SIX1: variants seen among roughly 807,000 people sequenced by gnomAD.
The protein encoded by SIX1 is homeobox protein SIX1.
In SIX1, 11 loss-of-function variants were observed where a neutral mutation model predicts 26.5. The ratio of observed to expected loss-of-function variants is 0.41; its 90% CI spans 0.26 to 0.69. The LOEUF is 0.69. SIX1 is among the 30% of genes least tolerant of loss of function. The pLI is 0.28. For synonymous variants in SIX1, 177 were observed against 166.2 expected (o/e 1.06, Z -0.50); for missense variants, 333 against 365.9 (o/e 0.91, Z 0.73).
Position 60,649,209 on chromosome 14 carries a change from GC to G in SIX1, c.-21del, listed in dbSNP as rs1240779929. On this transcript the variant is annotated 5_prime_UTR_variant, in exon 1 of 2. Transcript: ENST00000645694. This position sits in a 1 kb window ranked among gnomAD's most constrained non-coding sequence, Gnocchi z 5.1. ...CGACATGGCTGGGGCCTGCCGGGGC[GC>G]ACGGCCCAGGCGCACGCGGCAGGGA... The G allele has an allele frequency of 6.3e-7, 1 of 1,599,612 alleles. No homozygotes were observed. Among genetic ancestry groups the G allele is most frequent in the East Asian group, 2.2e-5 (1 of 44,790 alleles).
Position 60,648,616 on chromosome 14 carries a change from A to G in SIX1, c.560+14T>C. 6.2e-7 allele frequency: 1 copy of G among 1,604,702 alleles called. No homozygotes were observed. Among genetic ancestry groups the G allele is most frequent in the Non-Finnish European group, 8.5e-7 (1 of 1,175,370 alleles). On this transcript the variant is annotated intron_variant, in intron 1 of 1. Coordinates refer to ENST00000645694, the MANE Select transcript of SIX1 (RefSeq NM_005982.4). The surrounding 1 kb of genome is among the most constrained non-coding windows in gnomAD (Gnocchi z 7.9). ...TCCTAGGGTCGCCCGAGTCGCGGGA[A>G]GCACGCCGCGTACCTTTCCTTGGCC...
Position 60,649,185 on chromosome 14 carries a change from G to T in SIX1, c.5C>A (p.Ser2Ter), listed in dbSNP as rs1895013306. The T allele has an allele frequency of 1.2e-6, 2 of 1,607,488 alleles. No individual in the cohort carries two copies. The highest frequency in any genetic ancestry group is 8.5e-7 in the Non-Finnish European group (1 of 1,179,812). The change falls in exon 1 of 2, where the codon TCG becomes TAG. Residue 2 changes from serine to a stop codon, truncating the protein, a stop_gained. Transcript: ENST00000645694. LOFTEE classifies it high-confidence loss of function. The surrounding 1 kb of genome is among the most constrained non-coding windows in gnomAD (Gnocchi z 5.1). ...CGTAAAGCCAAACGACGGCAGCATC[G>T]ACATGGCTGGGGCCTGCCGGGGCGC... M[S>*]MLPSFGFTQE... is the part of the protein sequence containing the mutation.
chr14:60,647,951 G>A lies in SIX1; in HGVS notation c.560+679C>T, dbSNP rs1256672332. ...GGCATGCGGCGCGGTCAGCCAGACCGACGGGCTGCAGTGCCGGGCCACGCG... is the reference window on the plus strand; with the variant it reads ...GGCATGCGGCGCGGTCAGCCAGACCAACGGGCTGCAGTGCCGGGCCACGCG... On this transcript the variant is annotated intron_variant, in intron 1 of 1. Coordinates refer to ENST00000645694, the MANE Select transcript of SIX1 (RefSeq NM_005982.4). The surrounding 1 kb of genome is among the most constrained non-coding windows in gnomAD (Gnocchi z 5.1). 2.0e-5 allele frequency among the ~76,000 whole-genome samples: 3 copies of A among 152,250 alleles called. No homozygotes were observed. The highest frequency in any genetic ancestry group is 4.4e-5 in the Non-Finnish European group (3 of 68,038).
Position 60,648,645 on chromosome 14 carries a change from G to A in SIX1, c.545C>T (p.Ala182Val). 6.2e-7 allele frequency: 1 copy of A among 1,613,502 alleles called. No homozygotes were observed. The change falls in exon 1 of 2, where the codon GCG becomes GTG. Residue 182 changes from alanine (A) to valine (V), a missense_variant. By Grantham distance (64) the Ala-to-Val change is moderately conservative. This residue lies in a region of SIX1 where 199 missense variants were observed against 215.2 expected (regional missense o/e 0.92). Transcript: ENST00000645694. This position sits in a 1 kb window ranked among gnomAD's most constrained non-coding sequence, Gnocchi z 7.9. The part of the protein sequence containing the change: ...FKNRRQRDRA[A>V]EAKERENTEN... ...CGCCGCGTACCTTTCCTTGGCCTCC[G>A]CGGCCCGGTCTCTTTGCCTCCGGTT...
Position 60,648,623 on chromosome 14 carries a change from C to G in SIX1, c.560+7G>C, listed in dbSNP as rs767884287. 28 of 1,609,052 alleles carry G rather than the reference C, an allele frequency of 1.7e-5. No individual in the cohort carries two copies. In the Middle Eastern group the frequency reaches 6.6e-4, roughly 38 times the overall value. On this transcript the variant is annotated splice_region_variant and intron_variant, in intron 1 of 1. Coordinates refer to ENST00000645694, the MANE Select transcript of SIX1 (RefSeq NM_005982.4). This position sits in a 1 kb window ranked among gnomAD's most constrained non-coding sequence, Gnocchi z 7.9. ...GTCGCCCGAGTCGCGGGAAGCACGC[C>G]GCGTACCTTTCCTTGGCCTCCGCGG... is the stretch of plus-strand genomic sequence containing the variant.
Position 60,649,275 on chromosome 14 carries a change from G to A in SIX1, c.-86C>T. 1 of 1,261,850 alleles carries A rather than the reference G, an allele frequency of 7.9e-7. No homozygotes were observed. Among genetic ancestry groups the A allele is most frequent in the Non-Finnish European group, 1.1e-6 (1 of 903,820 alleles). The allele number at this position is 1,261,850 out of a possible 1,614,324, so 78.2% of individuals were successfully genotyped here. ...CAGGGGGCGGCGGCCGCAGGGAGGG[G>A]GGCGCGGCTGTTCCTAACCTCCTCC... On this transcript the variant is annotated 5_prime_UTR_variant, in exon 1 of 2. Transcript: ENST00000645694. The surrounding 1 kb of genome is among the most constrained non-coding windows in gnomAD (Gnocchi z 5.1).
Position 60,649,206 on chromosome 14 carries a change from G to A in SIX1, c.-17C>T, listed in dbSNP as rs764866193. On this transcript the variant is annotated 5_prime_UTR_variant, in exon 1 of 2. Transcript: ENST00000645694. The surrounding 1 kb of genome is among the most constrained non-coding windows in gnomAD (Gnocchi z 5.1). ...CATCGACATGGCTGGGGCCTGCCGG[G>A]GCGCACGGCCCAGGCGCACGCGGCA... 8 of 1,602,106 alleles carry A rather than the reference G, an allele frequency of 5.0e-6. No homozygotes were observed. In the African/African-American group the frequency reaches 5.3e-5, roughly 11 times the overall value.
At position 60,645,986 on chromosome 14, in the gene SIX1, A is replaced by C. The variant is rs147081368; in HGVS notation, c.*297T>G. The C allele has an allele frequency of 5.2e-3, 1,051 of 201,694 alleles. 14 individuals are homozygous for C. The highest frequency in any genetic ancestry group is 0.022 in the African/African-American group (952 of 42,928). 12.5% of individuals were successfully genotyped at this position (201,694 alleles called of 1,614,324 possible). On this transcript the variant is annotated 3_prime_UTR_variant, in exon 2 of 2. Transcript: ENST00000645694. The surrounding 1 kb of genome is among the most constrained non-coding windows in gnomAD (Gnocchi z 4.6). ...GGCGTATCAGTTGCCCAGAACTCAG[A>C]CTGGGTGCCTGGGTGCTTTTGTTTG...
At position 60,645,454 on chromosome 14, in the gene SIX1, C is replaced by T. The variant is rs1325127797; in HGVS notation, c.*829G>A. The stretch of plus-strand genomic sequence containing the variant: ...GCTACAGATATGAAAGCTTTGAGGG[C>T]ATGAGTAATGGCATTCAGGAAAGTG... On this transcript the variant is annotated 3_prime_UTR_variant, in exon 2 of 2. Transcript: ENST00000645694. The surrounding 1 kb of genome is among the most constrained non-coding windows in gnomAD (Gnocchi z 4.6). 6.6e-6 allele frequency: 1 copy of T among 151,590 alleles called. No homozygotes were observed. The highest frequency in any genetic ancestry group is 2.4e-5 in the African/African-American group (1 of 41,254). The allele number at this position is 151,590 out of a possible 1,614,324, so 9.4% of individuals were successfully genotyped here.
In SIX1 at chr14:60,646,066, A is replaced by G. The variant is rs908849819; in HGVS notation, c.*217T>C. ...TCTCTGCATTGGGAAGGAAAATGCAAAAGTGGAAAGAGTTGGAGAGAAGAG... is the reference window on the plus strand; with the variant it reads ...TCTCTGCATTGGGAAGGAAAATGCAGAAGTGGAAAGAGTTGGAGAGAAGAG... On this transcript the variant is annotated 3_prime_UTR_variant, in exon 2 of 2. Coordinates refer to ENST00000645694, the MANE Select transcript of SIX1 (RefSeq NM_005982.4). 1 of 481,406 alleles carries G rather than the reference A, an allele frequency of 2.1e-6. No individual in the cohort carries two copies. The highest frequency in any genetic ancestry group is 4.6e-5 in the South Asian group (1 of 21,866). The allele number at this position is 481,406 out of a possible 1,614,324, so 29.8% of individuals were successfully genotyped here. A position where few individuals can be genotyped will look rare whatever the true frequency, so the allele number is the denominator to read the frequency against.
chr14:60,646,558 T>A lies in SIX1; in HGVS notation c.580A>T (p.Asn194Tyr). The change falls in exon 2 of 2, where the codon AAC becomes TAC. Residue 194 changes from asparagine to tyrosine, a missense_variant. By Grantham distance (143) the Asn-to-Tyr change is moderately radical. Transcript: ENST00000645694. Reference sequence around the variant, plus strand: ...TGGTTCTGCTTGTTGGAGGAGGAGTTATTGTTTTCGGTGTTCTCCCTAAGA... The same window carrying A: ...TGGTTCTGCTTGTTGGAGGAGGAGTAATTGTTTTCGGTGTTCTCCCTAAGA... Reference protein sequence around the residue: ...AKERENTENNNSSSNKQNQLS... With the variant: ...AKERENTENNYSSSNKQNQLS... The A allele has an allele frequency of 1.9e-6, 3 of 1,608,000 alleles. No individual in the cohort carries two copies. Among genetic ancestry groups the A allele is most frequent in the Non-Finnish European group, 2.5e-6 (3 of 1,179,430 alleles).
chr14:60,645,479 G>GT lies in SIX1; in HGVS notation c.*803dup, dbSNP rs1368241949. ...CATGAGTAATGGCATTCAGGAAAGT[G>GT]TTTTTTCACATTGGTACATTTTTAG... On this transcript the variant is annotated 3_prime_UTR_variant, in exon 2 of 2. Coordinates refer to ENST00000645694, the MANE Select transcript of SIX1 (RefSeq NM_005982.4). This position sits in a 1 kb window ranked among gnomAD's most constrained non-coding sequence, Gnocchi z 4.6. The GT allele has an allele frequency of 9.3e-5, 14 of 150,276 alleles. No individual in the cohort carries two copies. Among genetic ancestry groups the GT allele is most frequent in the South Asian group, 2.1e-4 (1 of 4,768 alleles). 9.3% of individuals were successfully genotyped at this position (150,276 alleles called of 1,614,324 possible).
chr14:60,645,456 T>C lies in SIX1; in HGVS notation c.*827A>G, dbSNP rs554892433. The C allele has an allele frequency of 2.0e-5, 3 of 151,864 alleles. No individual in the cohort carries two copies. The highest frequency in any genetic ancestry group is 4.4e-5 in the Non-Finnish European group (3 of 68,000). 9.4% of individuals were successfully genotyped at this position (151,864 alleles called of 1,614,324 possible). A position where few individuals can be genotyped will look rare whatever the true frequency, so the allele number is the denominator to read the frequency against. On this transcript the variant is annotated 3_prime_UTR_variant, in exon 2 of 2. Coordinates refer to ENST00000645694, the MANE Select transcript of SIX1 (RefSeq NM_005982.4). This position sits in a 1 kb window ranked among gnomAD's most constrained non-coding sequence, Gnocchi z 4.6. ...TACAGATATGAAAGCTTTGAGGGCA[T>C]GAGTAATGGCATTCAGGAAAGTGTT...
rs1168903423 is a variant in SIX1 at position 60,646,541 on chromosome 14, C to T, written c.597G>A (p.Lys199=). Residue 199 remains lysine (K), a synonymous_variant, in exon 2 of 2, where the codon AAG becomes AAA. Coordinates refer to ENST00000645694, the MANE Select transcript of SIX1 (RefSeq NM_005982.4). ...NTENNNSSSN[K]QNQLSPLEGG... The stretch of plus-strand genomic sequence containing the variant: ...CTTCCAGAGGAGAGAGTTGGTTCTG[C>T]TTGTTGGAGGAGGAGTTATTGTTTT... 11 of 1,599,944 alleles carry T rather than the reference C, an allele frequency of 6.9e-6. No homozygotes were observed. The highest frequency in any genetic ancestry group is 9.4e-6 in the Non-Finnish European group (11 of 1,175,696).
At position 60,649,378 on chromosome 14, in the gene SIX1, G is replaced by A; in HGVS notation, c.-189C>T. 1.7e-6 allele frequency: 1 copy of A among 599,378 alleles called. No homozygotes were observed. Among genetic ancestry groups the A allele is most frequent in the Non-Finnish European group, 3.0e-6 (1 of 338,614 alleles). 37.1% of individuals were successfully genotyped at this position (599,378 alleles called of 1,614,324 possible). On this transcript the variant is annotated 5_prime_UTR_variant, in exon 1 of 2. Transcript: ENST00000645694. The surrounding 1 kb of genome is among the most constrained non-coding windows in gnomAD (Gnocchi z 5.1). ...AGGAAGAGAAGGCGGAGGAGTAGGG[G>A]AGGTTCTGGACACGGAACGGCCGGC...
At chr14:60,646,816 G>C (rs1391593153) in intron 1 of SIX1, among the ~76,000 whole-genome samples, 2 of 152,070 alleles carry the variant, frequency 1.3e-5, no homozygotes, top group East Asian at 3.9e-4. Context: ...CCTCCTGTTA[G>C]GAGCCAGGTC....
rs558096446 is a variant in SIX1 at position 60,646,502 on chromosome 14, G to A, written c.636C>T (p.Leu212=). The change falls in exon 2 of 2, where the codon CTC becomes CTT. Residue 212 remains leucine, a synonymous_variant. Coordinates refer to ENST00000645694, the MANE Select transcript of SIX1 (RefSeq NM_005982.4). ...AGAATTCCTCTTCTGAGCTGGACAT[G>A]AGCGGCTTGCCCCCTTCCAGAGGAG... is the stretch of plus-strand genomic sequence containing the variant. ...QLSPLEGGKP[L]MSSSEEEFSP... is the part of the protein sequence containing the mutation. 6.2e-7 allele frequency: 1 copy of A among 1,613,468 alleles called. No homozygotes were observed. Among genetic ancestry groups the A allele is most frequent in the African/African-American group, 1.3e-5 (1 of 74,856 alleles).
Position 60,645,423 on chromosome 14 carries a change from G to A in SIX1, c.*860C>T, listed in dbSNP as rs1447444602. On this transcript the variant is annotated 3_prime_UTR_variant, in exon 2 of 2. Transcript: ENST00000645694. The surrounding 1 kb of genome is among the most constrained non-coding windows in gnomAD (Gnocchi z 4.6). Reference sequence around the variant, plus strand: ...TAGAAACAGGAGAAACCCTTTACAGGAGTAGGCTACAGATATGAAAGCTTT... The same window carrying A: ...TAGAAACAGGAGAAACCCTTTACAGAAGTAGGCTACAGATATGAAAGCTTT... The A allele has an allele frequency of 2.0e-5, 3 of 151,972 alleles. No homozygotes were observed. The highest frequency in any genetic ancestry group is 4.4e-5 in the Non-Finnish European group (3 of 68,004). The allele number at this position is 151,972 out of a possible 1,614,324, so 9.4% of individuals were successfully genotyped here.
Position 60,647,667 on chromosome 14 carries a change from A to G in SIX1, c.560+963T>C, listed in dbSNP as rs1466014888. On this transcript the variant is annotated intron_variant, in intron 1 of 1. Transcript: ENST00000645694. This position sits in a 1 kb window ranked among gnomAD's most constrained non-coding sequence, Gnocchi z 5.1. ...TCGGCCCCTAGTCTTGGAAGCGAACAAAGGAAAACCTAACCGGCCCCTGCG... is the reference window on the plus strand; with the variant it reads ...TCGGCCCCTAGTCTTGGAAGCGAACGAAGGAAAACCTAACCGGCCCCTGCG... Among the ~76,000 whole-genome samples, 1 of 152,006 alleles carries G rather than the reference A, an allele frequency of 6.6e-6. No individual in the cohort carries two copies. Among genetic ancestry groups the G allele is most frequent in the African/African-American group, 2.4e-5 (1 of 41,374 alleles).
Sources: allele counts gnomAD v4.1 joint callset (sites outside exome capture counted in the v4.1 genomes callset), GRCh38; gene constraint gnomAD v4.1.1; regional missense constraint gnomAD v4.1.1; non-coding constraint Gnocchi (gnomAD v3.1); transcripts MANE v1.5; gene names NCBI Gene and HGNC (gene_info 2026-07-23, HGNC 2026-07-21).